Variants in SP140 observed in about 807,000 individuals in gnomAD.
SP140 encodes the protein nuclear body protein SP140.
SP140 carries 81 observed loss-of-function variants against 125.0 expected under a neutral mutation model. The observed-to-expected ratio is 0.65, with a 90% CI of 0.54 to 0.78. The LOEUF is 0.78. Among genes scored for constraint, SP140 ranks in the 30% least tolerant of loss-of-function variants. The pLI is 0.00. For missense variants in SP140, 858 were observed against 1,037.0 expected (o/e 0.83, Z 2.37); for synonymous variants, 312 against 354.0 (o/e 0.88, Z 1.33).
chr2:230,304,074 A>G (rs2058542115), intron 22 of SP140, among the ~76,000 whole-genome samples: 1 of 152,270 alleles, frequency 6.6e-6, no homozygotes, highest in South Asian at 2.1e-4. Flanking sequence ...TACAAAATCA[A>G]TATATACAAA....
chr2:230,309,400 G>A (rs910267641), intron 22 of SP140, among the ~76,000 whole-genome samples: 3 of 152,160 alleles, frequency 2.0e-5, no homozygotes, highest in Admixed American at 1.3e-4. Context: ...AGAGGTCGGC[G>A]TAGAGCCCTC....
At chr2:230,256,168 A>G (rs1157083801) in intron 12 of SP140, among the ~76,000 whole-genome samples, 1 of 151,956 alleles carries the variant, frequency 6.6e-6, no homozygotes, top group Admixed American at 6.6e-5. Context: ...CCATCCCATT[A>G]CTGGGTATAT....
At chr2:230,261,974 A>C (rs2052341682) in intron 12 of SP140, among the ~76,000 whole-genome samples, 1 of 152,106 alleles carries the variant, frequency 6.6e-6, no homozygotes, top group African/African-American at 2.4e-5. Context: ...TCACAGAATG[A>C]ATTAGGGAGG....
intron 1 of SP140, among the ~76,000 whole-genome samples, chr2:230,230,956 T>C (rs1286654030): frequency 6.6e-6 from 1 of 152,230 alleles, no homozygotes; most frequent in Non-Finnish European, 1.5e-5. Context: ...CCTTTTTTTT[T>C]CCTCTTTGCA....
chr2:230,300,181 G>A (rs916110188), intron 22 of SP140, among the ~76,000 whole-genome samples: 7 of 152,052 alleles, frequency 4.6e-5, no homozygotes, highest in East Asian at 1.9e-4. Context: ...CCACCTCCTC[G>A]CCGAAGGTCA....
At chr2:230,219,760 A>G (rs1351090071) in intron 3 of SP140, 1 of 201,966 alleles carries the variant, frequency 5.0e-6, no homozygotes, top group African/African-American at 2.4e-5. Context: ...GAGCTCTGAG[A>G]GAGCCTCAGA....
intron 15 of SP140, among the ~76,000 whole-genome samples, chr2:230,277,169 T>C (rs1575163586): frequency 6.6e-6 from 1 of 152,274 alleles, no homozygotes; most frequent in East Asian, 1.9e-4. Flanking sequence ...TACAGAGAAA[T>C]CTTTCAGGAA....
the SP140 span, among the ~76,000 whole-genome samples, chr2:230,197,686 G>T: frequency 2.0e-5 from 3 of 151,614 alleles, no homozygotes; most frequent in South Asian, 6.3e-4. Flanking sequence ...GGTCTAACAT[G>T]TAAGTCTTTA....
chr2:230,193,169 T>C, the SP140 span, among the ~76,000 whole-genome samples: 1 of 152,224 alleles, frequency 6.6e-6, no homozygotes, highest in Non-Finnish European at 1.5e-5. Flanking sequence ...TGAGAAAAGC[T>C]ACTCCTGTTT....
At chr2:230,296,553 G>T (rs1366864953) in intron 21 of SP140, among the ~76,000 whole-genome samples, 1 of 152,212 alleles carries the variant, frequency 6.6e-6, no homozygotes, top group Non-Finnish European at 1.5e-5. Flanking sequence ...AGAAGGGAGA[G>T]GGAGAGAGTT....
chr2:230,255,314 C>T, intron 11 of SP140, 138 bp from the exon 12 acceptor site: 1 of 899,932 alleles, frequency 1.1e-6, no homozygotes. Flanking sequence ...ACCCACAGGG[C>T]AGACCAGGAG....
chr2:230,208,830 C>T (rs989638918), intron 1 of SP140, among the ~76,000 whole-genome samples: 2 of 152,078 alleles, frequency 1.3e-5, no homozygotes, highest in African/African-American at 4.8e-5. Flanking sequence ...CAAGACTTGC[C>T]AGAGAGTTCT....
chr2:230,310,492 C>T, intron 23 of SP140: 1 of 817,722 alleles, frequency 1.2e-6, no homozygotes, highest in Non-Finnish European at 1.9e-6. Flanking sequence ...GCAGCTCAGA[C>T]AGAGAAAGGA....
intron 20 of SP140, among the ~76,000 whole-genome samples, chr2:230,293,796 G>A (rs1360166759): frequency 6.6e-6 from 1 of 152,118 alleles, no homozygotes; most frequent in Admixed American, 6.5e-5. Context: ...CCTCTACTAA[G>A]GCCTTTCATT....
At chr2:230,223,086 G>T (rs775301535), upstream of SP140, among the ~76,000 whole-genome samples, 1 of 149,860 alleles carries the variant, frequency 6.7e-6, no homozygotes, top group Non-Finnish European at 1.5e-5. Context: ...CTCCAGGCTA[G>T]AGTGCTGTGG....
At chr2:230,215,903 G>A (rs2045111138) in intron 3 of SP140, among the ~76,000 whole-genome samples, 1 of 152,194 alleles carries the variant, frequency 6.6e-6, no homozygotes, top group South Asian at 2.1e-4. Flanking sequence ...CATGAGATGA[G>A]TTGGCCAAGG....
At chr2:230,195,768 T>A in the SP140 span, among the ~76,000 whole-genome samples, 1 of 151,904 alleles carries the variant, frequency 6.6e-6, no homozygotes, top group Non-Finnish European at 1.5e-5. Flanking sequence ...GTTTAAAAAA[T>A]TAAAAATATA....
At chr2:230,305,472 C>T (rs775066236) in intron 22 of SP140, among the ~76,000 whole-genome samples, 1 of 152,202 alleles carries the variant, frequency 6.6e-6, no homozygotes, top group Non-Finnish European at 1.5e-5. Flanking sequence ...AGGCGCTGGC[C>T]GTGGGTCTTA....
chr2:230,263,589 G>A (rs1403695614), intron 12 of SP140, among the ~76,000 whole-genome samples: 1 of 152,100 alleles, frequency 6.6e-6, no homozygotes, highest in Non-Finnish European at 1.5e-5. Flanking sequence ...CTTTAAAGAG[G>A]TTCCGTTTTG....
Sources: allele counts gnomAD v4.1 joint callset (sites outside exome capture counted in the v4.1 genomes callset), GRCh38; gene constraint gnomAD v4.1.1; transcripts MANE v1.5; gene names NCBI Gene and HGNC (gene_info 2026-07-23, HGNC 2026-07-21).